TBCA: variants seen among roughly 807,000 people sequenced by gnomAD.
TBCA encodes tubulin folding cofactor A.
TBCA carries 6 observed loss-of-function variants against 15.8 expected under a neutral mutation model. That is an observed-to-expected ratio of 0.38 (90% confidence interval 0.21 to 0.75). TBCA has a LOEUF of 0.75. Among genes scored for constraint, TBCA ranks in the 30% least tolerant of loss-of-function variants. The pLI is 0.46. For synonymous variants in TBCA, 32 were observed against 42.3 expected (o/e 0.76, Z 0.94); for missense variants, 90 against 131.2 (o/e 0.69, Z 1.53).
In TBCA at chr5:77,691,514, A is replaced by G; in HGVS notation, c.247-16T>C. On this transcript the variant is annotated splice_polypyrimidine_tract_variant and intron_variant, in intron 3 of 3. Transcript: ENST00000380377. ...TTTCATTTTCCTAAAATGAAATACA[A>G]TAAAAATTAAGTTTATCCTTTTCAA... is the stretch of plus-strand genomic sequence containing the variant. 1.3e-6 allele frequency: 2 copies of G among 1,570,576 alleles called. No individual in the cohort carries two copies. The highest frequency in any genetic ancestry group is 1.7e-6 in the Non-Finnish European group (2 of 1,161,028).
chr5:77,715,171 A>C, intron 1 of TBCA: 1 of 687,528 alleles, frequency 1.5e-6, no homozygotes, highest in Non-Finnish European at 2.6e-6. Context: ...TTATAGGCCA[A>C]GGGATCTATT....
chr5:77,768,682 C>G (rs1398909517), intron 1 of TBCA, among the ~76,000 whole-genome samples: 2 of 152,134 alleles, frequency 1.3e-5, no homozygotes, highest in Non-Finnish European at 2.9e-5. Flanking sequence ...GATGTAGGTT[C>G]TGAGTGAGGC....
At chr5:77,702,595 G>A (rs1358738752) in intron 2 of TBCA, among the ~76,000 whole-genome samples, 3 of 152,164 alleles carry the variant, frequency 2.0e-5, no homozygotes, top group Non-Finnish European at 2.9e-5. Flanking sequence ...TGCTACTGCA[G>A]AGAACTATAC....
At chr5:77,702,955 C>T (rs958530456) in intron 2 of TBCA, among the ~76,000 whole-genome samples, 3 of 152,130 alleles carry the variant, frequency 2.0e-5, no homozygotes, top group African/African-American at 7.2e-5. Flanking sequence ...TTGTGAGACA[C>T]TCCTGGTCAA....
intron 1 of TBCA, among the ~76,000 whole-genome samples, chr5:77,734,955 T>C (rs1746864289): frequency 6.6e-6 from 1 of 152,222 alleles, no homozygotes; most frequent in South Asian, 2.1e-4. Flanking sequence ...CAGATGATTG[T>C]TAGGTATTTT....
At chr5:77,745,986 G>A (rs775939964) in intron 1 of TBCA, among the ~76,000 whole-genome samples, 6 of 152,224 alleles carry the variant, frequency 3.9e-5, no homozygotes, top group Non-Finnish European at 7.3e-5. Context: ...TAAAGGATTA[G>A]TTGTTGATAT....
At chr5:77,715,858 C>A (rs1343396204) in intron 1 of TBCA, among the ~76,000 whole-genome samples, 2 of 152,104 alleles carry the variant, frequency 1.3e-5, no homozygotes, top group African/African-American at 2.4e-5. Flanking sequence ...TATTAAATCC[C>A]CCTGTTTGGA....
chr5:77,705,938 ATAC>A (rs1746140379), intron 2 of TBCA, among the ~76,000 whole-genome samples: 1 of 152,304 alleles, frequency 6.6e-6, no homozygotes, highest in African/African-American at 2.4e-5. Flanking sequence ...AATGTCTTTT[ATAC>A]ACACAGTGCT....
intron 1 of TBCA, among the ~76,000 whole-genome samples, chr5:77,751,046 T>C (rs1747317376): frequency 6.6e-6 from 1 of 151,984 alleles, no homozygotes; most frequent in South Asian, 2.1e-4. Context: ...TCAGAGAAAA[T>C]AGACTGTAAT....
intron 1 of TBCA, among the ~76,000 whole-genome samples, chr5:77,721,556 C>T (rs1746529323): frequency 6.6e-6 from 1 of 152,054 alleles, no homozygotes; most frequent in African/African-American, 2.4e-5. Flanking sequence ...TACGTATACA[C>T]TGATTTGGTA....
At chr5:77,737,199 A>C (rs1746929152) in intron 1 of TBCA, among the ~76,000 whole-genome samples, 1 of 152,204 alleles carries the variant, frequency 6.6e-6, no homozygotes. Context: ...CTGTTTTCTA[A>C]GTGTGGATGA....
chr5:77,724,817 C>T (rs1277193202), intron 1 of TBCA, among the ~76,000 whole-genome samples: 4 of 152,150 alleles, frequency 2.6e-5, no homozygotes, highest in African/African-American at 9.7e-5. Flanking sequence ...GAAACGTGTA[C>T]ACTAGAGTGT....
chr5:77,726,042 A>G (rs1746625103), intron 1 of TBCA, among the ~76,000 whole-genome samples: 1 of 152,234 alleles, frequency 6.6e-6, no homozygotes, highest in African/African-American at 2.4e-5. Context: ...ATTAGACTCG[A>G]CACACATTCA....
chr5:77,772,018 A>G (rs997021019), intron 1 of TBCA, among the ~76,000 whole-genome samples: 19 of 152,248 alleles, frequency 1.2e-4, no homozygotes, highest in African/African-American at 4.3e-4. Flanking sequence ...TGAACGTCTA[A>G]CCAGAAAAAG....
At chr5:77,694,767 T>C (rs1745836424) in intron 2 of TBCA, among the ~76,000 whole-genome samples, 1 of 152,178 alleles carries the variant, frequency 6.6e-6, no homozygotes, top group Admixed American at 6.5e-5. Context: ...AATAGCTTTG[T>C]CAGAGCTCAT....
intron 1 of TBCA, among the ~76,000 whole-genome samples, chr5:77,772,262 T>C (rs1222576954): frequency 6.6e-6 from 1 of 152,084 alleles, no homozygotes; most frequent in African/African-American, 2.4e-5. Context: ...TGAAGCCCCA[T>C]GATCATTCAG....
chr5:77,753,907 C>T (rs189123343), intron 1 of TBCA, among the ~76,000 whole-genome samples: 5 of 152,144 alleles, frequency 3.3e-5, no homozygotes, highest in Admixed American at 2.6e-4. Flanking sequence ...TACAGGCATG[C>T]ACCACCACAC....
At chr5:77,751,521 G>A (rs899836304) in intron 1 of TBCA, among the ~76,000 whole-genome samples, 5 of 151,902 alleles carry the variant, frequency 3.3e-5, no homozygotes, top group Non-Finnish European at 7.4e-5. Context: ...CCCTGGCCAA[G>A]AAGGGAGTCC....
chr5:77,710,960 G>C (rs1746265108), intron 1 of TBCA, among the ~76,000 whole-genome samples: 2 of 152,100 alleles, frequency 1.3e-5, no homozygotes, highest in Non-Finnish European at 2.9e-5. Flanking sequence ...CCCTAGTAAT[G>C]AAAGTAGCTG....
Sources: gnomAD v4.1 joint callset for allele counts (sites outside exome capture counted in the v4.1 genomes callset) on GRCh38, gnomAD v4.1.1 for gene constraint, MANE v1.5 for transcripts, NCBI Gene and HGNC (gene_info 2026-07-23, HGNC 2026-07-21) for gene names.